Variants in ANTXR2 observed in about 807,000 individuals in gnomAD.
ANTXR2 encodes anthrax toxin receptor 2.
A neutral mutation model predicts 73.7 loss-of-function variants in ANTXR2; 44 were observed. The ratio of observed to expected loss-of-function variants is 0.60; its 90% CI spans 0.47 to 0.77. The LOEUF is 0.77. Ranked by LOEUF, ANTXR2 falls within the 30% of genes least tolerant of loss-of-function variation. The pLI is 0.00. For synonymous variants in ANTXR2, 217 were observed against 205.9 expected (o/e 1.05, Z -0.46); for missense variants, 604 against 592.5 (o/e 1.02, Z -0.20).
At chr4:79,914,109 T>C (rs1057268202) in intron 16 of ANTXR2, among the ~76,000 whole-genome samples, 3 of 152,132 alleles carry the variant, frequency 2.0e-5, no homozygotes, top group Admixed American at 6.6e-5. Flanking sequence ...ATGAGGAGAA[T>C]TATCATTTTG....
intron 10 of ANTXR2, among the ~76,000 whole-genome samples, chr4:80,028,323 C>T (rs536327097): frequency 1.1e-4 from 17 of 152,216 alleles, no homozygotes; most frequent in East Asian, 7.7e-4. Flanking sequence ...TTCCAAATGA[C>T]GACCTATGTC....
rs541066716 is a variant in ANTXR2, at chr4:79,935,501, G to A, written c.1429-28034C>T. 1.4e-3 allele frequency among the ~76,000 whole-genome samples: 176 copies of A among 127,376 alleles called. 1 individual carries two copies. In the South Asian group the frequency reaches 0.052, roughly 37 times the overall value. 83.6% of individuals were successfully genotyped at this position (127,376 alleles called of 152,430 possible). ...CTGAACATCAAAAGAGGAGCTCAAA[G>A]GCCAGCTGAACTGGAAAAAAAAAAG... is the stretch of plus-strand genomic sequence containing the variant. On this transcript the variant is annotated intron_variant, in intron 16 of 16. Transcript: ENST00000403729.
intron 7 of ANTXR2, among the ~76,000 whole-genome samples, chr4:80,040,274 A>G (rs987674109): frequency 1.3e-5 from 2 of 152,070 alleles, no homozygotes; most frequent in Non-Finnish European, 2.9e-5. Flanking sequence ...TCCTGAATCT[A>G]AAATAAAAAT....
chr4:80,008,203 A>G (rs2110055647), intron 12 of ANTXR2, among the ~76,000 whole-genome samples: 1 of 152,302 alleles, frequency 6.6e-6, no homozygotes, highest in South Asian at 2.1e-4. Context: ...CAATGAACCC[A>G]AAAGAAAACA....
chr4:80,045,231 G>A (rs1450190147), intron 7 of ANTXR2, among the ~76,000 whole-genome samples: 1 of 151,414 alleles, frequency 6.6e-6, no homozygotes, highest in Non-Finnish European at 1.5e-5. Flanking sequence ...AGAGAAAAGG[G>A]GTATTAACTC....
At chr4:80,039,526 CA>C (rs1405562763) in intron 7 of ANTXR2, among the ~76,000 whole-genome samples, 1 of 151,778 alleles carries the variant, frequency 6.6e-6, no homozygotes, top group African/African-American at 2.4e-5. Context: ...AACAAACATA[CA>C]AAAAAATGCA....
chr4:80,016,700 T>C (rs1439731077), intron 11 of ANTXR2, among the ~76,000 whole-genome samples: 1 of 152,242 alleles, frequency 6.6e-6, no homozygotes, highest in Non-Finnish European at 1.5e-5. Context: ...GCTCTGAAAC[T>C]GCTGTGCCTG....
intron 10 of ANTXR2, among the ~76,000 whole-genome samples, chr4:80,027,354 T>C (rs1424512758): frequency 6.6e-6 from 1 of 151,988 alleles, no homozygotes; most frequent in Non-Finnish European, 1.5e-5. Flanking sequence ...TTAGGCTTAA[T>C]ACTGAAAAAA....
intron 16 of ANTXR2, 105 bp downstream of exon 16, chr4:79,977,516 T>G: frequency 6.7e-7 from 1 of 1,500,782 alleles, no homozygotes; most frequent in Admixed American, 2.6e-5. Context: ...ATTTCCTTCC[T>G]CAAGTGCAAT....
At chr4:79,921,443 T>C (rs949182263) in intron 16 of ANTXR2, among the ~76,000 whole-genome samples, 2 of 152,074 alleles carry the variant, frequency 1.3e-5, no homozygotes, top group African/African-American at 4.8e-5. Flanking sequence ...TGGATTCATA[T>C]AGATTTTCAT....
intron 16 of ANTXR2, among the ~76,000 whole-genome samples, chr4:79,931,942 G>A (rs1168448092): frequency 3.9e-5 from 6 of 151,912 alleles, no homozygotes; most frequent in Non-Finnish European, 8.8e-5. Flanking sequence ...TTTCTCTATA[G>A]CCCTTGCTAC....
At chr4:79,952,362 T>C (rs555570101) in intron 16 of ANTXR2, among the ~76,000 whole-genome samples, 6 of 151,916 alleles carry the variant, frequency 3.9e-5, no homozygotes, top group Admixed American at 1.3e-4. Context: ...ATCTAGACTG[T>C]AATAAATTCC....
chr4:79,984,774 T>C, intron 13 of ANTXR2, 45 bp downstream of exon 13: 2 of 1,526,052 alleles, frequency 1.3e-6, no homozygotes, highest in Non-Finnish European at 1.8e-6. Context: ...TATCTGCATT[T>C]GGAAAAAAAA....
At chr4:79,989,191 C>G (rs572249272) in intron 12 of ANTXR2, among the ~76,000 whole-genome samples, 1 of 151,770 alleles carries the variant, frequency 6.6e-6, no homozygotes, top group South Asian at 2.1e-4. Context: ...TACAAAAGAT[C>G]AGCAAAATCA....
intron 12 of ANTXR2, among the ~76,000 whole-genome samples, chr4:80,007,989 A>G (rs564324464): frequency 6.6e-6 from 1 of 152,204 alleles, no homozygotes; most frequent in Non-Finnish European, 1.5e-5. Flanking sequence ...TTATACAAAC[A>G]CAAAAAATGA....
chr4:80,005,848 G>A (rs188808467), intron 12 of ANTXR2, among the ~76,000 whole-genome samples: 14 of 152,170 alleles, frequency 9.2e-5, no homozygotes, highest in African/African-American at 2.6e-4. Context: ...TAGACTGATC[G>A]AATCTCTCCA....
intron 14 of ANTXR2, among the ~76,000 whole-genome samples, chr4:79,982,942 T>C (rs528860743): frequency 2.0e-5 from 3 of 152,260 alleles, no homozygotes; most frequent in East Asian, 3.9e-4. Context: ...GAAACTCTCC[T>C]TGGGAATCTG....
chr4:79,961,078 G>A (rs1242762802), intron 16 of ANTXR2, among the ~76,000 whole-genome samples: 1 of 151,954 alleles, frequency 6.6e-6, no homozygotes, highest in African/African-American at 2.4e-5. Context: ...TTCTATTTAA[G>A]TAACAAACTG....
At chr4:80,017,066 A>C (rs1731907705) in intron 11 of ANTXR2, among the ~76,000 whole-genome samples, 1 of 152,208 alleles carries the variant, frequency 6.6e-6, no homozygotes, top group African/African-American at 2.4e-5. Flanking sequence ...GAATCAAATC[A>C]TGTCACCTTC....
Sources: allele counts gnomAD v4.1 joint callset (sites outside exome capture counted in the v4.1 genomes callset), GRCh38; gene constraint gnomAD v4.1.1; transcripts MANE v1.5; gene names NCBI Gene and HGNC (gene_info 2026-07-23, HGNC 2026-07-21).